Variants in SPAG17 observed in about 807,000 individuals in gnomAD.
SPAG17 encodes sperm-associated antigen 17.
SPAG17 carries 169 observed loss-of-function variants against 273.6 expected under a neutral mutation model. The observed-to-expected ratio is 0.62, with a 90% confidence interval of 0.55 to 0.70. The LOEUF (loss-of-function observed/expected upper bound fraction) is 0.70, where lower values mean the gene tolerates loss of function less well. Among genes scored for constraint, SPAG17 ranks in the 30% least tolerant of loss-of-function variants. The probability of loss-of-function intolerance (pLI) is 0.00; values close to 1 mark genes in which losing one functional copy is unlikely to be tolerated. For missense variants in SPAG17, 2,557 were observed against 2,627.8 expected (o/e 0.97, Z 0.59); for synonymous variants, 825 against 873.2 (o/e 0.94, Z 0.97).
intron 5 of SPAG17, among the ~76,000 whole-genome samples, chr1:118,100,351 G>A (rs1313282317): frequency 1.3e-5 from 2 of 152,176 alleles, no homozygotes; most frequent in Non-Finnish European, 2.9e-5. Context: ...AATACATAGT[G>A]TGCACTTACT....
chr1:117,982,645 C>G (rs1655968295), intron 42 of SPAG17, among the ~76,000 whole-genome samples: 1 of 152,178 alleles, frequency 6.6e-6, no homozygotes. Context: ...AAGACATTCT[C>G]CTACATATTC....
chr1:117,957,113 A>G (rs753287436), intron 48 of SPAG17: 1 of 1,611,148 alleles, frequency 6.2e-7, no homozygotes, highest in South Asian at 1.1e-5. Context: ...CTTATGTCCC[A>G]GACATTCTTA....
At chr1:118,135,415 G>A (rs1373209183) in intron 3 of SPAG17, among the ~76,000 whole-genome samples, 1 of 149,632 alleles carries the variant, frequency 6.7e-6, no homozygotes, top group Non-Finnish European at 1.5e-5. Flanking sequence ...GTGTGTATGT[G>A]TGTGTGTGTG....
Position 118,117,984 on chromosome 1 carries a change from G to A in SPAG17, c.316-2543C>T, listed in dbSNP as rs114246092. On this transcript the variant is annotated intron_variant, in intron 3 of 48. Transcript: ENST00000336338. ...TATATGGGTCATTCCCAAAAGAGGC[G>A]GAAAAAGAAAAATGTTTACAAATTA... is the stretch of plus-strand genomic sequence containing the variant. 6.6e-3 allele frequency among the ~76,000 whole-genome samples: 998 copies of A among 152,212 alleles called. 10 individuals are homozygous for A. The highest frequency in any genetic ancestry group is 0.023 in the African/African-American group (947 of 41,532).
rs985918544 is a variant in SPAG17, at chr1:118,028,405, T to A, written c.3610-11A>T. The A allele has an allele frequency of 3.1e-6, 5 of 1,611,974 alleles. No homozygotes were observed. The highest frequency in any genetic ancestry group is 4.2e-6 in the Non-Finnish European group (5 of 1,179,356). Reference sequence around the variant, plus strand: ...TTCTACTTCTTCTTCCTGTAAATAATTCAGCATGTGAATAATGGGCTGTCA... The same window carrying A: ...TTCTACTTCTTCTTCCTGTAAATAAATCAGCATGTGAATAATGGGCTGTCA... On this transcript the variant is annotated splice_polypyrimidine_tract_variant and intron_variant, in intron 25 of 48. Transcript: ENST00000336338.
intron 1 of SPAG17, among the ~76,000 whole-genome samples, chr1:118,161,625 C>T (rs1659921515): frequency 6.6e-6 from 1 of 152,074 alleles, no homozygotes; most frequent in Non-Finnish European, 1.5e-5. Context: ...GCAAGCTCCG[C>T]CTCCCGGGTT....
intron 18 of SPAG17, among the ~76,000 whole-genome samples, chr1:118,059,546 A>G (rs1233022318): frequency 6.6e-6 from 1 of 151,994 alleles, no homozygotes; most frequent in East Asian, 1.9e-4. Flanking sequence ...GTGCTATTGT[A>G]TTACTGTTTA....
chr1:117,994,332 C>T, intron 35 of SPAG17, 74 bp downstream of exon 35: 1 of 1,455,442 alleles, frequency 6.9e-7, no homozygotes, highest in Non-Finnish European at 9.2e-7. Context: ...TGGGAGAAGA[C>T]TTAAGACTCT....
rs1290734449 is a variant in SPAG17 at position 118,178,025 on chromosome 1, C to CA, written c.87+7045dup. 5.3e-5 allele frequency among the ~76,000 whole-genome samples: 8 copies of CA among 151,988 alleles called. No homozygotes were observed. The East Asian group carries it at 1.5e-3, about 29-fold the overall frequency. ...TCTTACCAATTCTACTCAAATTCTT[C>CA]AAAAAAATTGAGAAAAAGAGAATAC... On this transcript the variant is annotated intron_variant, in intron 1 of 48. Coordinates refer to ENST00000336338, the MANE Select transcript of SPAG17 (RefSeq NM_206996.4).
At chr1:118,052,781 C>T (rs1212643530) in intron 20 of SPAG17, among the ~76,000 whole-genome samples, 1 of 151,962 alleles carries the variant, frequency 6.6e-6, no homozygotes, top group Non-Finnish European at 1.5e-5. Flanking sequence ...CAATTTCATT[C>T]ACCATGGATA....
rs1570689031 is a variant in SPAG17, at chr1:118,097,778, T to A, written c.903A>T (p.Pro301=). 1.7e-5 allele frequency: 28 copies of A among 1,609,114 alleles called. No homozygotes were observed. In the East Asian group the frequency reaches 6.3e-4, roughly 36 times the overall value. ...TTTCAGGTTTCTCATTATTCAGGAC[T>A]GGTTCCAAGTACTTCCAGAAAGTTT... ...ELKTFWKYLE[P]VLNNEKPETN... is the part of the protein sequence containing the mutation. The change falls in exon 7 of 49, where the codon CCA becomes CCT. Residue 301 remains proline, a synonymous_variant. Transcript: ENST00000336338.
Position 117,981,376 on chromosome 1 carries a change from T to C in SPAG17, c.5898A>G (p.Glu1966=). The C allele has an allele frequency of 2.5e-6, 4 of 1,596,190 alleles. No individual in the cohort carries two copies. The highest frequency in any genetic ancestry group is 3.4e-6 in the Non-Finnish European group (4 of 1,175,912). ...NLDFKPHKVS[E]QKSSSVPSLP... ...GACTAGGCACACTTGAGGATTTCTG[T>C]TCTGAAACCTTATGTGGCTTGAAAT... is the stretch of plus-strand genomic sequence containing the variant. The change falls in exon 43 of 49, where the codon GAA becomes GAG. Residue 1966 remains glutamate (E), a synonymous_variant. Transcript: ENST00000336338.
chr1:118,160,013 C>T (rs554676975), intron 1 of SPAG17, among the ~76,000 whole-genome samples: 5 of 152,208 alleles, frequency 3.3e-5, no homozygotes, highest in African/African-American at 4.8e-5. Context: ...CAAAAGGAAA[C>T]GAGCTTCTTT....
At chr1:117,954,177 TA>T in intron 48 of SPAG17, 128 bp from the exon 49 acceptor site, 1 of 1,232,844 alleles carries the variant, frequency 8.1e-7, no homozygotes, top group Non-Finnish European at 1.2e-6. Context: ...TGGGATTTAT[TA>T]ACTAAGATCA....
chr1:117,964,151 C>T (rs1653492455), intron 47 of SPAG17: 2 of 409,748 alleles, frequency 4.9e-6, no homozygotes, highest in Non-Finnish European at 8.9e-6. Flanking sequence ...CCCTAGTGTA[C>T]ATTTCTCTCC....
intron 3 of SPAG17, among the ~76,000 whole-genome samples, chr1:118,124,406 G>A (rs1193418080): frequency 6.6e-6 from 1 of 152,104 alleles, no homozygotes; most frequent in Non-Finnish European, 1.5e-5. Flanking sequence ...TAGCTTGGAA[G>A]GTTAAATCCT....
chr1:118,129,624 C>A (rs1005825572), intron 3 of SPAG17, among the ~76,000 whole-genome samples: 9 of 152,082 alleles, frequency 5.9e-5, no homozygotes, highest in African/African-American at 2.2e-4. Context: ...TCCTTAATTT[C>A]TTTCTCCTCC....
chr1:117,983,882 A>G lies in SPAG17; in HGVS notation c.5801T>C (p.Leu1934Pro). Residue 1934 changes from leucine (L) to proline (P), a missense_variant, in exon 42 of 49, where the codon CTG (leucine) becomes CCG (proline). Coordinates refer to ENST00000336338, the MANE Select transcript of SPAG17 (RefSeq NM_206996.4). Reference protein sequence around the residue: ...YNHLDSLSKKLPSFTKKNEDA... With the variant: ...YNHLDSLSKKPPSFTKKNEDA... ...TTCATTTTTCTTTGTAAAAGAAGGC[A>G]GTTTTTTGGAAAGACTGTCCAGGTG... The G allele has an allele frequency of 6.2e-7, 1 of 1,612,446 alleles. No homozygotes were observed. Among genetic ancestry groups the G allele is most frequent in the East Asian group, 2.2e-5 (1 of 44,810 alleles).
rs1266166773 is a variant in SPAG17, at chr1:118,037,013, A to C, written c.3320-130T>G. On this transcript the variant is annotated intron_variant, in intron 23 of 48. Transcript: ENST00000336338. ...AATCAACTTAAAAAATAATTGGTTT[A>C]GCTTGACCATGCACTCAGGGTTGTT... The C allele has an allele frequency of 6.1e-6, 4 of 652,954 alleles. No homozygotes were observed. The African/African-American group carries it at 7.3e-5, about 12-fold the overall frequency. The allele number at this position is 652,954 out of a possible 1,614,324, so 40.4% of individuals were successfully genotyped here. A position where few individuals can be genotyped will look rare whatever the true frequency, so the allele number is the denominator to read the frequency against.
Sources: gnomAD v4.1 joint callset for allele counts (sites outside exome capture counted in the v4.1 genomes callset) on GRCh38, gnomAD v4.1.1 for gene constraint, MANE v1.5 for transcripts, NCBI Gene and HGNC (gene_info 2026-07-23, HGNC 2026-07-21) for gene names.